STIMATE: variants seen among roughly 807,000 people sequenced by gnomAD.
The protein encoded by STIMATE is STIM activating enhancer, also known as store-operated calcium entry regulator STIMATE.
Under a neutral mutation model 36.7 loss-of-function variants are expected in STIMATE, and 15 were observed. The observed-to-expected ratio is 0.41, with a 90% CI of 0.27 to 0.63. The LOEUF (loss-of-function observed/expected upper bound fraction) is 0.63. Among genes scored for constraint, STIMATE ranks in the 20% least tolerant of loss-of-function variants. The pLI is 0.32. For synonymous variants in STIMATE, 163 were observed against 162.3 expected (o/e 1.00, Z -0.03); for missense variants, 305 against 397.3 (o/e 0.77, Z 1.98).
chr3:52,864,358 T>A lies in STIMATE; in HGVS notation c.161-8914A>T, dbSNP rs553925503. Among the ~76,000 whole-genome samples, 7 of 152,326 alleles carry A rather than the reference T, an allele frequency of 4.6e-5. 1 individual carries two copies. Among genetic ancestry groups the A allele is most frequent in the African/African-American group, 1.7e-4 (7 of 41,570 alleles). ...CTGAAGCCACAGCCTGAGCTCTACATTGACCCCTTTCAGCCATGGCTGGAG... is the reference window on the plus strand; with the variant it reads ...CTGAAGCCACAGCCTGAGCTCTACAATGACCCCTTTCAGCCATGGCTGGAG... On this transcript the variant is annotated intron_variant, in intron 1 of 7. Transcript: ENST00000355083.
intron 1 of STIMATE, among the ~76,000 whole-genome samples, chr3:52,887,510 G>A (rs1252069755): frequency 6.6e-6 from 1 of 152,206 alleles, no homozygotes; most frequent in Non-Finnish European, 1.5e-5. Flanking sequence ...ACACAAGGAT[G>A]CTGCCTTAGA....
chr3:52,845,021 C>G, intron 4 of STIMATE, 80 bp from the exon 5 acceptor site: 2 of 1,460,922 alleles, frequency 1.4e-6, no homozygotes, highest in Non-Finnish European at 1.9e-6. Flanking sequence ...CTCCCCCACA[C>G]GCACCCCAGA....
chr3:52,868,770 G>A (rs1701353546), intron 1 of STIMATE, among the ~76,000 whole-genome samples: 2 of 152,098 alleles, frequency 1.3e-5, no homozygotes, highest in South Asian at 2.1e-4. Flanking sequence ...TTACAGGCAC[G>A]CGCCACCATG....
chr3:52,861,741 C>G (rs968301921), intron 1 of STIMATE, among the ~76,000 whole-genome samples: 1 of 152,182 alleles, frequency 6.6e-6, no homozygotes. Flanking sequence ...CATCCCTGTC[C>G]TGGTTTCTGT....
chr3:52,893,499 G>C (rs915656724), intron 1 of STIMATE, among the ~76,000 whole-genome samples: 1 of 152,138 alleles, frequency 6.6e-6, no homozygotes, highest in Non-Finnish European at 1.5e-5. Flanking sequence ...CATTTTTAGA[G>C]ATAAAAACCA....
chr3:52,847,585 C>T, intron 4 of STIMATE: 2 of 1,280,260 alleles, frequency 1.6e-6, no homozygotes, highest in Non-Finnish European at 1.0e-6. Flanking sequence ...GAAAAATAAG[C>T]CCCTCTTCTT....
chr3:52,879,064 C>A (rs1177709520), intron 1 of STIMATE, among the ~76,000 whole-genome samples: 1 of 152,146 alleles, frequency 6.6e-6, no homozygotes, highest in Non-Finnish European at 1.5e-5. Flanking sequence ...AATAAGCATG[C>A]TAGGCAGAAC....
intron 1 of STIMATE, among the ~76,000 whole-genome samples, chr3:52,884,463 C>A (rs1237992777): frequency 6.6e-6 from 1 of 152,092 alleles, no homozygotes; most frequent in Non-Finnish European, 1.5e-5. Context: ...CCAGGCTGGT[C>A]TCAAACTTCT....
At chr3:52,842,199 C>A (rs965679922) in intron 7 of STIMATE, among the ~76,000 whole-genome samples, 1 of 152,242 alleles carries the variant, frequency 6.6e-6, no homozygotes, top group African/African-American at 2.4e-5. Context: ...CCTCCCATGC[C>A]TCCCACGAGC....
intron 1 of STIMATE, among the ~76,000 whole-genome samples, chr3:52,874,926 T>G (rs1365046751): frequency 6.6e-6 from 1 of 152,206 alleles, no homozygotes; most frequent in East Asian, 1.9e-4. Context: ...ATTTTGCACA[T>G]TAGATAATTA....
Position 52,839,932 on chromosome 3 carries a change from T to A in STIMATE, c.*562A>T, listed in dbSNP as rs896873591. 6 of 152,644 alleles carry A rather than the reference T, an allele frequency of 3.9e-5. No homozygotes were observed. The highest frequency in any genetic ancestry group is 2.0e-4 in the Admixed American group (3 of 15,276). 9.5% of individuals were successfully genotyped at this position (152,644 alleles called of 1,614,324 possible). On this transcript the variant is annotated 3_prime_UTR_variant, in exon 8 of 8. Transcript: ENST00000355083. ...TTGCCCATTAGTCCCGTAAGTACTT[T>A]GTAGGAAATAAACACATACCCCCAA...
Position 52,844,717 on chromosome 3 carries a change from CAT to C in STIMATE, c.540+110_540+111del, listed in dbSNP as rs1157038213. The C allele has an allele frequency of 1.1e-5, 12 of 1,114,218 alleles. No homozygotes were observed. In the African/African-American group the frequency reaches 1.6e-4, roughly 15 times the overall value. The allele number at this position is 1,114,218 out of a possible 1,614,324, so 69.0% of individuals were successfully genotyped here. Reference sequence around the variant, plus strand: ...CATCAGACCAAATGCAGGACACATTCATAGAGTTAAAACAAGTTTGGTTTTCC... The same window carrying C: ...CATCAGACCAAATGCAGGACACATTCAGAGTTAAAACAAGTTTGGTTTTCC... On this transcript the variant is annotated intron_variant, in intron 5 of 7. Coordinates refer to ENST00000355083, the MANE Select transcript of STIMATE (RefSeq NM_198563.5).
chr3:52,887,138 T>A lies in STIMATE; in HGVS notation c.160+10153A>T, dbSNP rs149376384. Among the ~76,000 whole-genome samples, 644 of 152,358 alleles carry A rather than the reference T, an allele frequency of 4.2e-3. 5 individuals are homozygous for A. Among genetic ancestry groups the A allele is most frequent in the African/African-American group, 0.014 (599 of 41,592 alleles). On this transcript the variant is annotated intron_variant, in intron 1 of 7. Transcript: ENST00000355083. ...TGAAATGTGAACATGGACTGTGGAT[T>A]GTTAATAACATATTAATGTTAAATT...
chr3:52,870,647 CG>C (rs148490283), intron 1 of STIMATE, among the ~76,000 whole-genome samples: 4,468 of 152,280 alleles, frequency 0.029, 219 homozygotes, highest in African/African-American at 0.1. Context: ...TCCTGCTGCG[CG>C]GGCAGGGTGG....
chr3:52,851,262 A>G (rs1700991762), intron 3 of STIMATE, among the ~76,000 whole-genome samples: 1 of 152,172 alleles, frequency 6.6e-6, no homozygotes. Context: ...CCAGCTCTCC[A>G]TGGTAGACAG....
At chr3:52,885,761 GC>G (rs1326930190) in intron 1 of STIMATE, among the ~76,000 whole-genome samples, 3 of 152,228 alleles carry the variant, frequency 2.0e-5, no homozygotes, top group Non-Finnish European at 4.4e-5. Flanking sequence ...CAGCGAGACT[GC>G]TGGGCTTCGC....
intron 1 of STIMATE, among the ~76,000 whole-genome samples, chr3:52,885,755 G>A (rs904635828): frequency 1.3e-5 from 2 of 152,178 alleles, no homozygotes; most frequent in African/African-American, 2.4e-5. Context: ...TCAATGCAGC[G>A]AGACTGCTGG....
At position 52,843,704 on chromosome 3, in the gene STIMATE, T is replaced by C. The variant is rs4687668; in HGVS notation, c.618+17A>G. 0.98 allele frequency: 1,582,461 copies of C among 1,613,724 alleles called. 780,848 individuals carry two copies. Among genetic ancestry groups the C allele is most frequent in the East Asian group, 1 (44,798 of 44,802 alleles). On this transcript the variant is annotated intron_variant, in intron 6 of 7. Transcript: ENST00000355083. Reference sequence around the variant, plus strand: ...GACAGGGAGCAAATCGGGATAAAAATGCAACATGGCACTGACGTTGACAAA... The same window carrying C: ...GACAGGGAGCAAATCGGGATAAAAACGCAACATGGCACTGACGTTGACAAA...
intron 1 of STIMATE, among the ~76,000 whole-genome samples, chr3:52,892,841 T>G (rs2106738047): frequency 6.6e-6 from 1 of 152,316 alleles, no homozygotes; most frequent in East Asian, 1.9e-4. Flanking sequence ...CCTGGTGGAA[T>G]GTACATGAAA....
Sources: gnomAD v4.1 joint callset for allele counts (sites outside exome capture counted in the v4.1 genomes callset) on GRCh38, gnomAD v4.1.1 for gene constraint, MANE v1.5 for transcripts, NCBI Gene and HGNC (gene_info 2026-07-23, HGNC 2026-07-21) for gene names.